Variants in PTPRJ observed in about 807,000 individuals in gnomAD.
PTPRJ encodes protein tyrosine phosphatase receptor type J, also known as receptor-type tyrosine-protein phosphatase eta.
PTPRJ carries 129 observed loss-of-function variants against 141.3 expected under a neutral mutation model. That is an observed-to-expected ratio of 0.91 (90% CI 0.79 to 1.06). The LOEUF is 1.06. Among genes scored for constraint, PTPRJ ranks in the 50% least tolerant of loss-of-function variants. The pLI, the probability that PTPRJ is intolerant of heterozygous loss-of-function variation, is 0.00. For missense variants in PTPRJ, 1,601 were observed against 1,679.7 expected, an observed-to-expected ratio of 0.95 and a Z score of 0.82; for synonymous variants, 610 against 640.5, an observed-to-expected ratio of 0.95 and a Z score of 0.72.
At position 48,130,675 on chromosome 11, in the gene PTPRJ, A is replaced by G; in HGVS notation, c.1574A>G (p.Asn525Ser). The G allele has an allele frequency of 6.2e-7, 1 of 1,614,042 alleles. No homozygotes were observed. Among genetic ancestry groups the G allele is most frequent in the Middle Eastern group, 1.6e-4 (1 of 6,062 alleles). The stretch of plus-strand genomic sequence containing the variant: ...TTTGAAATAGTTCCAAAAGGACCAA[A>G]TGGGACTGAAGGGGCATCTCGGACA... ...YCFEIVPKGP[N>S]GTEGASRTVC... is the part of the protein sequence containing the mutation. Residue 525 changes from asparagine to serine, a missense_variant, in exon 8 of 25, where the codon AAT becomes AGT. By Grantham distance (46) the Asn-to-Ser change is conservative. Coordinates refer to ENST00000418331, the MANE Select transcript of PTPRJ (RefSeq NM_002843.4).
intron 1 of PTPRJ, among the ~76,000 whole-genome samples, chr11:48,023,590 T>C (rs1193608697): frequency 6.6e-6 from 1 of 152,096 alleles, no homozygotes; most frequent in African/African-American, 2.4e-5. Flanking sequence ...GAGACCACCC[T>C]AGCCAATATG....
rs113929359 is a variant in PTPRJ at position 48,128,090 on chromosome 11, C to T, written c.1357+47C>T. 4,118 of 1,570,766 alleles carry T rather than the reference C, an allele frequency of 2.6e-3. 101 individuals carry two copies. The African/African-American group carries it at 0.049, about 19-fold the overall frequency. ...ACCACCCTTTCCTGCTGTCCTGCTC[C>T]GTGCCAGGCCCAGACACAGGATGCA... On this transcript the variant is annotated intron_variant, in intron 7 of 24. Coordinates refer to ENST00000418331, the MANE Select transcript of PTPRJ (RefSeq NM_002843.4).
At chr11:47,995,558 A>T (rs1000543035) in intron 1 of PTPRJ, among the ~76,000 whole-genome samples, 2 of 152,212 alleles carry the variant, frequency 1.3e-5, no homozygotes, top group African/African-American at 2.4e-5. Context: ...AGCCACAGAA[A>T]ACAAGAGTAT....
chr11:48,070,946 A>G (rs140211253), intron 1 of PTPRJ, among the ~76,000 whole-genome samples: 109 of 152,336 alleles, frequency 7.2e-4, no homozygotes, highest in African/African-American at 2.5e-3. Context: ...GACATTTTCA[A>G]ATTCAGAGGG....
intron 8 of PTPRJ, 138 bp from the exon 9 acceptor site, chr11:48,135,901 C>T (rs1034320903): frequency 3.1e-6 from 3 of 970,626 alleles, no homozygotes; most frequent in Non-Finnish European, 4.7e-6. Context: ...TTTCTCAGCT[C>T]GATTTTGGAG....
chr11:47,999,863 C>CTTTTTTT (rs1209647054), intron 1 of PTPRJ, among the ~76,000 whole-genome samples: 12 of 136,282 alleles, frequency 8.8e-5, no homozygotes, highest in African/African-American at 2.4e-4. Context: ...CGAGATTCTT[C>CTTTTTTT]TTTTTTTTTT....
At chr11:48,010,072 A>G (rs1428651912) in intron 1 of PTPRJ, among the ~76,000 whole-genome samples, 1 of 152,208 alleles carries the variant, frequency 6.6e-6, no homozygotes, top group African/African-American at 2.4e-5. Context: ...AGGTCCTTGC[A>G]TGTGATGGAG....
At chr11:47,981,796 G>T (rs1231593362) in intron 1 of PTPRJ, among the ~76,000 whole-genome samples, 2 of 152,304 alleles carry the variant, frequency 1.3e-5, no homozygotes, top group Middle Eastern at 3.4e-3. Context: ...AGCTGAAGGG[G>T]CATTCCCATT....
At chr11:48,044,304 G>A (rs886459284) in intron 1 of PTPRJ, among the ~76,000 whole-genome samples, 3 of 152,352 alleles carry the variant, frequency 2.0e-5, no homozygotes, top group Admixed American at 2.0e-4. Context: ...CACCTCGGGG[G>A]TGGGAAATGT....
chr11:48,033,364 C>T (rs940266863), intron 1 of PTPRJ, among the ~76,000 whole-genome samples: 3 of 151,964 alleles, frequency 2.0e-5, no homozygotes, highest in African/African-American at 4.8e-5. Flanking sequence ...ACCAGGAGCC[C>T]GGAGCTGAGG....
intron 1 of PTPRJ, among the ~76,000 whole-genome samples, chr11:48,080,012 G>A (rs1366014562): frequency 6.6e-6 from 1 of 152,206 alleles, no homozygotes; most frequent in Non-Finnish European, 1.5e-5. Flanking sequence ...TGCAGGATGG[G>A]CATCTCAGAT....
chr11:48,007,221 C>G (rs1310731543), intron 1 of PTPRJ, among the ~76,000 whole-genome samples: 1 of 151,994 alleles, frequency 6.6e-6, no homozygotes, highest in Non-Finnish European at 1.5e-5. Context: ...CTGCCTCAGC[C>G]TCCCGAGTAG....
chr11:48,092,198 G>A (rs1238784424), intron 1 of PTPRJ, among the ~76,000 whole-genome samples: 3 of 146,864 alleles, frequency 2.0e-5, no homozygotes, highest in Non-Finnish European at 3.0e-5. Context: ...AGTAGGCTGA[G>A]GCAAAAGAAT....
chr11:48,003,790 C>G (rs1246624859), intron 1 of PTPRJ, among the ~76,000 whole-genome samples: 2 of 152,200 alleles, frequency 1.3e-5, no homozygotes, highest in Non-Finnish European at 2.9e-5. Context: ...GCCACCGTGC[C>G]CAGCCAATAT....
Position 48,121,140 on chromosome 11 carries a change from A to C in PTPRJ, c.490A>C (p.Thr164Pro). The C allele has an allele frequency of 1.2e-6, 2 of 1,614,196 alleles. No individual in the cohort carries two copies. Among genetic ancestry groups the C allele is most frequent in the Non-Finnish European group, 1.7e-6 (2 of 1,180,022 alleles). ...TAAGATGGAAAATGAGAAGACAATT[A>C]CTGTTGTGCATCAACCATGGTGTAA... Reference protein sequence around the residue: ...KHKMENEKTITVVHQPWCNIT... With the variant: ...KHKMENEKTIPVVHQPWCNIT... Residue 164 changes from threonine to proline, a missense_variant, in exon 4 of 25, where the codon ACT becomes CCT. Coordinates refer to ENST00000418331, the MANE Select transcript of PTPRJ (RefSeq NM_002843.4).
At chr11:48,107,117 T>C (rs1345991100) in intron 1 of PTPRJ, among the ~76,000 whole-genome samples, 1 of 152,072 alleles carries the variant, frequency 6.6e-6, no homozygotes. Flanking sequence ...ACCACTGATG[T>C]CATAGCTGCA....
At chr11:48,099,924 A>T (rs1356137656) in intron 1 of PTPRJ, among the ~76,000 whole-genome samples, 4 of 152,130 alleles carry the variant, frequency 2.6e-5, no homozygotes, top group Non-Finnish European at 1.5e-5. Context: ...GGACTGTTGT[A>T]GGCGGGAGAC....
At chr11:48,129,035 A>G (rs984130764) in intron 7 of PTPRJ, among the ~76,000 whole-genome samples, 2 of 152,228 alleles carry the variant, frequency 1.3e-5, no homozygotes, top group Non-Finnish European at 2.9e-5. Flanking sequence ...TGGCTTAAAC[A>G]AGACAGGGGT....
intron 1 of PTPRJ, among the ~76,000 whole-genome samples, chr11:48,053,377 A>C (rs867158980): frequency 0.013 from 1,287 of 100,702 alleles, 27 homozygotes; most frequent in African/African-American, 0.054. Flanking sequence ...TAATATATAT[A>C]AAATATATAT....
Sources: allele counts gnomAD v4.1 joint callset (sites outside exome capture counted in the v4.1 genomes callset), GRCh38; gene constraint gnomAD v4.1.1; transcripts MANE v1.5; gene names NCBI Gene and HGNC (gene_info 2026-07-23, HGNC 2026-07-21).